Variants in MYB observed in about 807,000 individuals in gnomAD.
MYB encodes MYB proto-oncogene, transcription factor.
Under a neutral mutation model 92.9 loss-of-function variants are expected in MYB, and 28 were observed. That is an observed-to-expected ratio of 0.30 (90% CI 0.22 to 0.41). The LOEUF (loss-of-function observed/expected upper bound fraction) is 0.41, where lower values mean the gene tolerates loss of function less well. MYB is among the 10% of genes least tolerant of loss of function. The pLI is 1.00. For missense variants in MYB, 679 were observed against 929.3 expected, an observed-to-expected ratio of 0.73 and a Z score of 3.50; for synonymous variants, 295 against 329.1, an observed-to-expected ratio of 0.90 and a Z score of 1.12.
intron 3 of MYB, among the ~76,000 whole-genome samples, chr6:135,188,653 G>A (rs1583264060): frequency 1.3e-5 from 2 of 151,900 alleles, no homozygotes; most frequent in South Asian, 4.1e-4. Flanking sequence ...GGGATCACAG[G>A]TGCCCGCCAC....
At chr6:135,203,943 C>G in intron 15 of MYB, 1 of 1,102,438 alleles carries the variant, frequency 9.1e-7, no homozygotes. Flanking sequence ...CAAATTAATC[C>G]TGAGCCAAAT....
chr6:135,202,889 C>T, intron 14 of MYB: 1 of 546,414 alleles, frequency 1.8e-6, no homozygotes, highest in Admixed American at 2.2e-5. Flanking sequence ...GTGTTCTCTC[C>T]CCAGAACTTA....
chr6:135,202,971 T>G (rs1562386480), intron 14 of MYB: 1 of 693,866 alleles, frequency 1.4e-6, no homozygotes, highest in African/African-American at 1.7e-5. Flanking sequence ...GCCTAACACA[T>G]GCCTAGAACT....
Position 135,181,423 on chromosome 6 carries a change from G to C in MYB, c.-91G>C. 1 of 924,352 alleles carries C rather than the reference G, an allele frequency of 1.1e-6. No individual in the cohort carries two copies. The highest frequency in any genetic ancestry group is 5.6e-5 in the East Asian group (1 of 17,740). The allele number at this position is 924,352 out of a possible 1,614,324, so 57.3% of individuals were successfully genotyped here. ...CGGTGCGGAGCGCCGCTGCGCAGCCGGGGAGGGACGCAGGCAGGCGGCGGG... is the reference window on the plus strand; with the variant it reads ...CGGTGCGGAGCGCCGCTGCGCAGCCCGGGAGGGACGCAGGCAGGCGGCGGG... On this transcript the variant is annotated 5_prime_UTR_variant, in exon 1 of 16. Coordinates refer to ENST00000341911, the MANE Select transcript of MYB (RefSeq NM_001130173.2). The surrounding 1 kb of genome is among the most constrained non-coding windows in gnomAD (Gnocchi z 5.3).
rs1423351033 is a variant in MYB, at chr6:135,203,474, A to G, written c.2169+150A>G. ...CATAGGGGAGTAATGCTTTTATACA[A>G]TTCTTGATGTCTAGAAAAATCCAAT... On this transcript the variant is annotated intron_variant, in intron 15 of 15. Coordinates refer to ENST00000341911, the MANE Select transcript of MYB (RefSeq NM_001130173.2). The G allele has an allele frequency of 5.8e-6, 4 of 692,714 alleles. No individual in the cohort carries two copies. In the East Asian group the frequency reaches 8.1e-5, roughly 14 times the overall value. The allele number at this position is 692,714 out of a possible 1,614,324, so 42.9% of individuals were successfully genotyped here.
At chr6:135,185,367 T>C (rs1004572072) in intron 1 of MYB, among the ~76,000 whole-genome samples, 3 of 152,266 alleles carry the variant, frequency 2.0e-5, no homozygotes, top group Non-Finnish European at 4.4e-5. Flanking sequence ...CTCTAGACTT[T>C]ATGGGATCAC....
chr6:135,189,717 AT>A lies in MYB; in HGVS notation c.214-72del, dbSNP rs1583270465. On this transcript the variant is annotated intron_variant, in intron 3 of 15. Transcript: ENST00000341911. ...TTTCACTGCATATGGTCTATGTGTG[AT>A]TCCTATTACAACAAAAAATTCACGT... 59 of 1,228,522 alleles carry A rather than the reference AT, an allele frequency of 4.8e-5. No homozygotes were observed. The East Asian group carries it at 1.4e-3, about 29-fold the overall frequency. The allele number at this position is 1,228,522 out of a possible 1,614,324, so 76.1% of individuals were successfully genotyped here. A position where few individuals can be genotyped will look rare whatever the true frequency, so the allele number is the denominator to read the frequency against.
At chr6:135,201,354 G>A (rs1260994629) in intron 13 of MYB, among the ~76,000 whole-genome samples, 2 of 152,142 alleles carry the variant, frequency 1.3e-5, no homozygotes, top group African/African-American at 4.8e-5. Context: ...ACTACTAGGT[G>A]TATCATTAAA....
Position 135,182,516 on chromosome 6 carries a change from C to G in MYB, c.23+980C>G, listed in dbSNP as rs1775215794. ...CCGCGCAACCGGGACGCGATCCCCGCGGGCTCTGCCCCCAGGCGAAAGGTC... is the reference window on the plus strand; with the variant it reads ...CCGCGCAACCGGGACGCGATCCCCGGGGGCTCTGCCCCCAGGCGAAAGGTC... On this transcript the variant is annotated intron_variant, in intron 1 of 15. Transcript: ENST00000341911. The surrounding 1 kb of genome is among the most constrained non-coding windows in gnomAD (Gnocchi z 5.6). Among the ~76,000 whole-genome samples the G allele has an allele frequency of 6.6e-6, 1 of 152,222 alleles. No individual in the cohort carries two copies. The highest frequency in any genetic ancestry group is 1.5e-5 in the Non-Finnish European group (1 of 68,028).
chr6:135,193,222 A>C (rs1051906072), intron 6 of MYB, among the ~76,000 whole-genome samples: 3 of 152,206 alleles, frequency 2.0e-5, no homozygotes, highest in African/African-American at 7.2e-5. Flanking sequence ...GTGGAAAAAG[A>C]AGAAGAAAGA....
At chr6:135,210,397 G>A (rs1006905027) in intron 15 of MYB, among the ~76,000 whole-genome samples, 2 of 152,130 alleles carry the variant, frequency 1.3e-5, no homozygotes, top group African/African-American at 4.8e-5. Flanking sequence ...AAAACAAGGA[G>A]TTTAAGTTAA....
At chr6:135,217,065 T>A (rs1307030270) in intron 15 of MYB, among the ~76,000 whole-genome samples, 1 of 152,214 alleles carries the variant, frequency 6.6e-6, no homozygotes, top group Non-Finnish European at 1.5e-5. Context: ...CCATCTTGTA[T>A]CTTCTAGTGT....
rs1239218854 is a variant in MYB at position 135,197,332 on chromosome 6, C to T, written c.1566+9C>T. 15 of 1,583,772 alleles carry T rather than the reference C, an allele frequency of 9.5e-6. No individual in the cohort carries two copies. Among genetic ancestry groups the T allele is most frequent in the Non-Finnish European group, 1.3e-5 (15 of 1,159,272 alleles). Reference sequence around the variant, plus strand: ...CCTTCTCTCCCTCGCAGGTAGAACACAATTTCTGCACAGCTGTTACTCATT... The same window carrying T: ...CCTTCTCTCCCTCGCAGGTAGAACATAATTTCTGCACAGCTGTTACTCATT... On this transcript the variant is annotated intron_variant, in intron 10 of 15. Transcript: ENST00000341911.
Position 135,192,423 on chromosome 6 carries a change from A to G in MYB, c.627A>G (p.Ala209=). 6.2e-7 allele frequency: 1 copy of G among 1,614,240 alleles called. No homozygotes were observed. Among genetic ancestry groups the G allele is most frequent in the Non-Finnish European group, 8.5e-7 (1 of 1,180,042 alleles). ...AGTCTTCAAAAGCCAGCCAGCCAGC[A>G]GTGGCCACAAGCTTCCAGAAGAACA... The part of the protein sequence containing the change: ...LQESSKASQP[A]VATSFQKNSH... Residue 209 remains alanine, a synonymous_variant, in exon 6 of 16, where the codon GCA becomes GCG. Transcript: ENST00000341911.
Position 135,192,391 on chromosome 6 carries a change from C to G in MYB, c.595C>G (p.Leu199Val), listed in dbSNP as rs1223989139. The change falls in exon 6 of 16, where the codon CTG (leucine) becomes GTG (valine). Residue 199 changes from leucine to valine, a missense_variant. Physicochemically the swap from Leu to Val is conservative, Grantham distance 32. Transcript: ENST00000341911. ...MRRKVEQEGY[L>V]QESSKASQPA... ...TCGGAAGGTCGAACAGGAAGGTTAT[C>G]TGCAGGAGTCTTCAAAAGCCAGCCA... 1 of 1,614,252 alleles carries G rather than the reference C, an allele frequency of 6.2e-7. No individual in the cohort carries two copies. The highest frequency in any genetic ancestry group is 1.1e-5 in the South Asian group (1 of 91,086).
At chr6:135,207,610 A>G (rs974917948) in intron 15 of MYB, among the ~76,000 whole-genome samples, 2 of 152,226 alleles carry the variant, frequency 1.3e-5, no homozygotes, top group African/African-American at 4.8e-5. Context: ...CTGTTTTAAA[A>G]TTAGAAATGC....
chr6:135,201,264 C>G (rs1778048526), intron 13 of MYB, among the ~76,000 whole-genome samples: 1 of 151,866 alleles, frequency 6.6e-6, no homozygotes, highest in African/African-American at 2.4e-5. Context: ...GAGAATTTTA[C>G]CAGAATGTGA....
intron 7 of MYB, among the ~76,000 whole-genome samples, 173 bp downstream of exon 7, chr6:135,194,091 G>A (rs1384476176): frequency 6.6e-6 from 1 of 152,204 alleles, no homozygotes; most frequent in African/African-American, 2.4e-5. Context: ...GAATGAGTTT[G>A]CTCTGGAATT....
In MYB at chr6:135,212,224, C is replaced by CTTTTTTTTTTTT. The variant is rs545704827; in HGVS notation, c.2170-5618_2170-5607dup. 3.2e-3 allele frequency among the ~76,000 whole-genome samples: 105 copies of CTTTTTTTTTTTT among 32,892 alleles called. 13 individuals are homozygous for CTTTTTTTTTTTT. The highest frequency in any genetic ancestry group is 6.3e-3 in the South Asian group (3 of 480). 21.6% of individuals were successfully genotyped at this position (32,892 alleles called of 152,430 possible). On this transcript the variant is annotated intron_variant, in intron 15 of 15. Transcript: ENST00000341911. ...CATCTGATGAGTTGCTTTGGTTTTACTTTTTTTTTTTTTTTTTTTTTTTTT... is the reference window on the plus strand; with the variant it reads ...CATCTGATGAGTTGCTTTGGTTTTACTTTTTTTTTTTTTTTTTTTTTTTTTTTTTTTTTTTTT...
Sources: allele counts gnomAD v4.1 joint callset (sites outside exome capture counted in the v4.1 genomes callset), GRCh38; gene constraint gnomAD v4.1.1; non-coding constraint Gnocchi (gnomAD v3.1); transcripts MANE v1.5; gene names NCBI Gene and HGNC (gene_info 2026-07-23, HGNC 2026-07-21).